FNDC7: variants seen among roughly 807,000 people sequenced by gnomAD.
FNDC7 encodes the protein fibronectin type III domain-containing protein 7.
In FNDC7, 66 loss-of-function variants were observed where a neutral mutation model predicts 74.2. The observed-to-expected ratio is 0.89, with a 90% CI of 0.73 to 1.09. The LOEUF is 1.09. FNDC7 is among the 50% of genes least tolerant of loss of function. The pLI is 0.00. For missense variants in FNDC7, 829 were observed against 893.4 expected, an observed-to-expected ratio of 0.93 and a Z score of 0.92; for synonymous variants, 307 against 330.2, an observed-to-expected ratio of 0.93 and a Z score of 0.76.
rs111375246 is a variant in FNDC7 at position 108,725,986 on chromosome 1, A to G, written c.1093A>G (p.Ile365Val). 82 of 1,614,212 alleles carry G rather than the reference A, an allele frequency of 5.1e-5. No homozygotes were observed. The African/African-American group carries it at 8.9e-4, about 18-fold the overall frequency. The change falls in exon 6 of 13, where the codon ATA becomes GTA. Residue 365 changes from isoleucine (I) to valine (V), a missense_variant. Ile to Val is a conservative substitution (Grantham distance 29, BLOSUM62 3). Coordinates refer to ENST00000370017, the MANE Select transcript of FNDC7 (RefSeq NM_001144937.3). ...GGCAGGGCAAAGTCCTTTGGGTGAC[A>G]TATTCAATTATACCACAGGTAAGTC... The part of the protein sequence containing the change: ...NKAGQSPLGD[I>V]FNYTTAPCCP...
chr1:108,725,652 A>T lies in FNDC7; in HGVS notation c.857-98A>T, dbSNP rs1661192858. ...AAATTCAATCTGTCACAAAGCTCAG[A>T]GTTGCTAATTTGGGTTGTATTGAAA... On this transcript the variant is annotated intron_variant, in intron 5 of 12. Coordinates refer to ENST00000370017, the MANE Select transcript of FNDC7 (RefSeq NM_001144937.3). 5.7e-5 allele frequency: 74 copies of T among 1,288,160 alleles called. 1 individual carries two copies. In the South Asian group the frequency reaches 9.3e-4, roughly 16 times the overall value. 79.8% of individuals were successfully genotyped at this position (1,288,160 alleles called of 1,614,324 possible).
chr1:108,719,414 A>G (rs1465571269), intron 4 of FNDC7, among the ~76,000 whole-genome samples: 2 of 152,314 alleles, frequency 1.3e-5, no homozygotes, highest in South Asian at 2.1e-4. Context: ...TGGGCCAAAT[A>G]GGAATTCATT....
intron 2 of FNDC7, among the ~76,000 whole-genome samples, chr1:108,717,392 A>G (rs943726447): frequency 6.6e-6 from 1 of 152,222 alleles, no homozygotes; most frequent in African/African-American, 2.4e-5. Flanking sequence ...AGCAGCCTGC[A>G]AAAGTCACAG....
intron 1 of FNDC7, 120 bp downstream of exon 1, chr1:108,713,116 G>C: frequency 1.1e-6 from 1 of 889,720 alleles, no homozygotes; most frequent in Non-Finnish European, 1.7e-6. Context: ...AGAATACTTT[G>C]GTTTGTACCG....
At chr1:108,737,928 G>A (rs1273587530) in intron 11 of FNDC7, among the ~76,000 whole-genome samples, 1 of 152,164 alleles carries the variant, frequency 6.6e-6, no homozygotes, top group Non-Finnish European at 1.5e-5. Context: ...GTGAGAGCTG[G>A]GCATCAGGAG....
At chr1:108,723,239 T>G (rs1570727548) in intron 5 of FNDC7, among the ~76,000 whole-genome samples, 1 of 152,322 alleles carries the variant, frequency 6.6e-6, no homozygotes, top group South Asian at 2.1e-4. Flanking sequence ...CTATTTTCTC[T>G]TTTTTTACAT....
chr1:108,730,661 T>C lies in FNDC7; in HGVS notation c.1625-13T>C. 1 of 1,501,678 alleles carries C rather than the reference T, an allele frequency of 6.7e-7. No individual in the cohort carries two copies. The highest frequency in any genetic ancestry group is 1.3e-5 in the South Asian group (1 of 74,176). 93.0% of individuals were successfully genotyped at this position (1,501,678 alleles called of 1,614,324 possible). A position where few individuals can be genotyped will look rare whatever the true frequency, so the allele number is the denominator to read the frequency against. On this transcript the variant is annotated splice_polypyrimidine_tract_variant and intron_variant, in intron 8 of 12. Coordinates refer to ENST00000370017, the MANE Select transcript of FNDC7 (RefSeq NM_001144937.3). ...AATAAATCTCCAATTCTTTTTCTTTTATCCCATTTAAGTGCCATGCTGTCC... is the reference window on the plus strand; with the variant it reads ...AATAAATCTCCAATTCTTTTTCTTTCATCCCATTTAAGTGCCATGCTGTCC...
intron 6 of FNDC7, among the ~76,000 whole-genome samples, chr1:108,727,251 G>A (rs1208618225): frequency 6.6e-6 from 1 of 152,112 alleles, no homozygotes; most frequent in African/African-American, 2.4e-5. Context: ...CTTGAACCCA[G>A]GAAGCAGAGG....
At chr1:108,714,452 G>A (rs917691017) in intron 2 of FNDC7, among the ~76,000 whole-genome samples, 3 of 152,092 alleles carry the variant, frequency 2.0e-5, no homozygotes, top group African/African-American at 7.2e-5. Context: ...AAGATGGGAG[G>A]ATTGCTTGAG....
intron 7 of FNDC7, 122 bp from the exon 8 acceptor site, chr1:108,728,510 G>T (rs201833796): frequency 4.4e-6 from 5 of 1,127,180 alleles, no homozygotes; most frequent in Non-Finnish European, 5.2e-6. Flanking sequence ...AATTTGGCCC[G>T]CATGCATGAC....
chr1:108,742,548 G>C lies in FNDC7; in HGVS notation c.*661G>C, dbSNP rs1006382992. 1 of 152,278 alleles carries C rather than the reference G, an allele frequency of 6.6e-6. No individual in the cohort carries two copies. The highest frequency in any genetic ancestry group is 1.5e-5 in the Non-Finnish European group (1 of 68,058). The allele number at this position is 152,278 out of a possible 1,614,324, so 9.4% of individuals were successfully genotyped here. Reference sequence around the variant, plus strand: ...AAGCAGAGCTGCCAGCCTGTTGCTAGAAGGGTTGCAGTTATGCTTTCTGCA... The same window carrying C: ...AAGCAGAGCTGCCAGCCTGTTGCTACAAGGGTTGCAGTTATGCTTTCTGCA... On this transcript the variant is annotated 3_prime_UTR_variant, in exon 13 of 13. Coordinates refer to ENST00000370017, the MANE Select transcript of FNDC7 (RefSeq NM_001144937.3).
chr1:108,738,783 G>C (rs1329293486), intron 11 of FNDC7, among the ~76,000 whole-genome samples: 1 of 151,972 alleles, frequency 6.6e-6, no homozygotes, highest in African/African-American at 2.4e-5. Flanking sequence ...TTCAATTCCT[G>C]TCCCACCTGC....
chr1:108,717,502 G>C (rs1012795389), intron 2 of FNDC7, among the ~76,000 whole-genome samples: 1 of 152,102 alleles, frequency 6.6e-6, no homozygotes, highest in African/African-American at 2.4e-5. Context: ...TTCTTATTTA[G>C]CTCTTTTAAA....
At chr1:108,721,709 G>A (rs1353537612) in intron 4 of FNDC7, among the ~76,000 whole-genome samples, 1 of 152,214 alleles carries the variant, frequency 6.6e-6, no homozygotes, top group Non-Finnish European at 1.5e-5. Context: ...GTAGGGTTAA[G>A]TGTTTTGGAG....
chr1:108,716,317 AGAG>A (rs1660971737), intron 2 of FNDC7, among the ~76,000 whole-genome samples: 1 of 59,424 alleles, frequency 1.7e-5, no homozygotes, highest in African/African-American at 4.3e-5. Context: ...GGAGCAGAAG[AGAG>A]GTGTGTGTGT....
chr1:108,723,971 T>C (rs1661149998), intron 5 of FNDC7, among the ~76,000 whole-genome samples: 1 of 152,202 alleles, frequency 6.6e-6, no homozygotes, highest in Non-Finnish European at 1.5e-5. Context: ...TATAACACAG[T>C]CATGATCATA....
intron 6 of FNDC7, 44 bp from the exon 7 acceptor site, chr1:108,727,764 T>G: frequency 6.2e-7 from 1 of 1,603,974 alleles, no homozygotes; most frequent in Non-Finnish European, 8.5e-7. Flanking sequence ...CCAGCTGCAT[T>G]GCTCTTGATG....
Position 108,733,330 on chromosome 1 carries a change from C to A in FNDC7, c.1938C>A (p.Ile646=), listed in dbSNP as rs748095829. 6.2e-7 allele frequency: 1 copy of A among 1,614,138 alleles called. No homozygotes were observed. Among genetic ancestry groups the A allele is most frequent in the South Asian group, 1.1e-5 (1 of 91,088 alleles). ...LYRLGPNGIR[I]YWQASRGSAN... is the part of the protein sequence containing the mutation. ...GGCTGGGCCCTAATGGCATCCGGAT[C>A]TACTGGCAAGCCTCCAGGGGCTCTG... The change falls in exon 10 of 13, where the codon ATC becomes ATA. Residue 646 remains isoleucine, a synonymous_variant. Coordinates refer to ENST00000370017, the MANE Select transcript of FNDC7 (RefSeq NM_001144937.3).
chr1:108,740,029 TAAA>T (rs34183498), intron 11 of FNDC7, among the ~76,000 whole-genome samples: 8 of 109,216 alleles, frequency 7.3e-5, no homozygotes, highest in Admixed American at 1.1e-4. Context: ...GCCATCTCTC[TAAA>T]AAAAAAAAAA....
Sources: allele counts gnomAD v4.1 joint callset (sites outside exome capture counted in the v4.1 genomes callset), GRCh38; gene constraint gnomAD v4.1.1; transcripts MANE v1.5; gene names NCBI Gene and HGNC (gene_info 2026-07-23, HGNC 2026-07-21).